CCDC7: variants seen among roughly 807,000 people sequenced by gnomAD.
The protein encoded by CCDC7 is coiled-coil domain-containing protein 7.
A neutral mutation model predicts 196.9 loss-of-function variants in CCDC7; 183 were observed. That is an observed-to-expected ratio of 0.93 (90% CI 0.82 to 1.05). The LOEUF (loss-of-function observed/expected upper bound fraction) is 1.05. Among genes scored for constraint, CCDC7 ranks in the 50% least tolerant of loss-of-function variants. The pLI is 0.00. For synonymous variants in CCDC7, 525 were observed against 484.6 expected (o/e 1.08, Z -1.10); for missense variants, 1,540 against 1,482.2 (o/e 1.04, Z -0.64).
At chr10:32,479,203 C>T (rs1229440572) in intron 8 of CCDC7, among the ~76,000 whole-genome samples, 2 of 152,142 alleles carry the variant, frequency 1.3e-5, no homozygotes, top group South Asian at 2.1e-4. Context: ...TATTTGGACA[C>T]CTTTTATTTC....
intron 11 of CCDC7, among the ~76,000 whole-genome samples, 189 bp from the exon 13 acceptor site, chr10:32,543,111 C>A (rs919176981): frequency 6.6e-6 from 1 of 152,124 alleles, no homozygotes; most frequent in African/African-American, 2.4e-5. Context: ...ACAACTTACA[C>A]CACGTAAAGC....
In CCDC7 at chr10:32,836,012, G is replaced by A. The variant is rs1250142234; in HGVS notation, c.3352+1114G>A. On this transcript the variant is annotated intron_variant, in intron 33 of 41. Transcript: ENST00000639629. ...TCTCTCTATTTGATAAAAATGTCAGGTAAATTTACAATATCTCAGCTACAG... is the reference window on the plus strand; with the variant it reads ...TCTCTCTATTTGATAAAAATGTCAGATAAATTTACAATATCTCAGCTACAG... 1.4e-4 allele frequency among the ~76,000 whole-genome samples: 22 copies of A among 152,066 alleles called. 1 individual carries two copies. Among genetic ancestry groups the A allele is most frequent in the Admixed American group, 1.4e-3 (22 of 15,236 alleles).
At chr10:32,492,450 C>G (rs998953456) in intron 9 of CCDC7, among the ~76,000 whole-genome samples, 1 of 151,988 alleles carries the variant, frequency 6.6e-6, no homozygotes, top group Non-Finnish European at 1.5e-5. Context: ...ACATGTGCAA[C>G]AATGAATAAA....
rs2075249105 is a variant in CCDC7, at chr10:32,677,733, T to C, written c.2123-8237T>C. 2.0e-5 allele frequency among the ~76,000 whole-genome samples: 3 copies of C among 152,090 alleles called. No homozygotes were observed. The South Asian group carries it at 6.2e-4, about 31-fold the overall frequency. On this transcript the variant is annotated intron_variant, in intron 21 of 41. Coordinates refer to ENST00000639629, the Ensembl canonical transcript of CCDC7. Reference sequence around the variant, plus strand: ...TAGGATCCTTTGTGTTTCGTGTATCTGGAAGTCCATTTTCCTCCTCAGATT... The same window carrying C: ...TAGGATCCTTTGTGTTTCGTGTATCCGGAAGTCCATTTTCCTCCTCAGATT...
chr10:32,788,901 T>C (rs2082259945), intron 29 of CCDC7, among the ~76,000 whole-genome samples: 1 of 152,174 alleles, frequency 6.6e-6, no homozygotes, highest in Non-Finnish European at 1.5e-5. Flanking sequence ...TACAGAATCA[T>C]AGTGGATCCC....
chr10:32,567,585 A>T, intron 14 of CCDC7, 85 bp from the exon 16 acceptor site: 1 of 1,419,314 alleles, frequency 7.0e-7, no homozygotes, highest in South Asian at 1.5e-5. Flanking sequence ...ATGTAGGCGT[A>T]AATATATGTA....
At chr10:32,745,821 A>C (rs1249569669) in intron 28 of CCDC7, among the ~76,000 whole-genome samples, 1 of 152,188 alleles carries the variant, frequency 6.6e-6, no homozygotes, top group Non-Finnish European at 1.5e-5. Flanking sequence ...CACCTTGAAA[A>C]TATTGTCATC....
intron 11 of CCDC7, among the ~76,000 whole-genome samples, chr10:32,524,087 G>A (rs1322905287): frequency 8.4e-6 from 1 of 119,498 alleles, no homozygotes; most frequent in Non-Finnish European, 1.8e-5. Context: ...TTTTTTTTTA[G>A]TGAAGGTGAC....
At chr10:32,496,252 T>C (rs889445260) in intron 9 of CCDC7, among the ~76,000 whole-genome samples, 6 of 152,226 alleles carry the variant, frequency 3.9e-5, no homozygotes, top group Admixed American at 1.3e-4. Context: ...CCTGAGACTT[T>C]GCTGAAATTG....
chr10:32,738,969 C>G (rs1446268652), intron 28 of CCDC7, among the ~76,000 whole-genome samples: 1 of 151,934 alleles, frequency 6.6e-6, no homozygotes, highest in Non-Finnish European at 1.5e-5. Flanking sequence ...GATTATTTGT[C>G]TGGATACAGG....
At chr10:32,654,104 G>A (rs1353981092) in intron 20 of CCDC7, among the ~76,000 whole-genome samples, 2 of 151,936 alleles carry the variant, frequency 1.3e-5, no homozygotes, top group African/African-American at 4.8e-5. Context: ...ATAGTCCTTT[G>A]ATTCCATCTT....
intron 21 of CCDC7, among the ~76,000 whole-genome samples, chr10:32,665,843 T>A (rs1487555123): frequency 6.6e-6 from 1 of 152,062 alleles, no homozygotes; most frequent in Non-Finnish European, 1.5e-5. Flanking sequence ...TGGGATATCT[T>A]TTTATTTATT....
chr10:32,828,565 G>GA (rs1230859916), intron 32 of CCDC7, among the ~76,000 whole-genome samples: 1 of 150,534 alleles, frequency 6.6e-6, no homozygotes, highest in Admixed American at 6.6e-5. Context: ...GAAGAAAGAA[G>GA]AAGAAGAAGA....
At chr10:32,549,592 A>G (rs1294367121) in intron 13 of CCDC7, among the ~76,000 whole-genome samples, 2 of 152,196 alleles carry the variant, frequency 1.3e-5, no homozygotes, top group Admixed American at 6.5e-5. Context: ...ATTTATGTAT[A>G]AGGTGAGAGA....
chr10:32,528,690 A>C (rs2049078286), intron 11 of CCDC7, among the ~76,000 whole-genome samples: 1 of 117,456 alleles, frequency 8.5e-6, no homozygotes, highest in African/African-American at 3.7e-5. Context: ...GCATATATAT[A>C]CACACACATA....
intron 30 of CCDC7, among the ~76,000 whole-genome samples, chr10:32,811,087 C>A (rs2086983176): frequency 1.3e-5 from 2 of 151,796 alleles, no homozygotes; most frequent in East Asian, 3.9e-4. Flanking sequence ...AATAAATTAA[C>A]AATGCACCTC....
chr10:32,611,844 C>A (rs942880456), intron 18 of CCDC7, among the ~76,000 whole-genome samples: 5 of 152,158 alleles, frequency 3.3e-5, no homozygotes, highest in African/African-American at 7.2e-5. Context: ...AATTTGAAGT[C>A]AGGTAGCATG....
At chr10:32,797,175 G>A (rs2083725547) in intron 29 of CCDC7, among the ~76,000 whole-genome samples, 1 of 146,930 alleles carries the variant, frequency 6.8e-6, no homozygotes, top group Admixed American at 6.9e-5. Flanking sequence ...ATATATGTGT[G>A]TGTGTGTATA....
rs376971167 is a variant in CCDC7, at chr10:32,571,006, C to CTTTT, written c.1420-839_1420-836dup. 7.2e-4 allele frequency among the ~76,000 whole-genome samples: 95 copies of CTTTT among 131,326 alleles called. 3 individuals are homozygous for CTTTT. The highest frequency in any genetic ancestry group is 1.1e-3 in the Non-Finnish European group (73 of 63,686). The allele number at this position is 131,326 out of a possible 152,430, so 86.2% of individuals were successfully genotyped here. A position where few individuals can be genotyped will look rare whatever the true frequency, so the allele number is the denominator to read the frequency against. The stretch of plus-strand genomic sequence containing the variant: ...AAATCACACTTTTAAGGTCACTGGC[C>CTTTT]TTTTTTTTTTTTTTTTTGAGAGAGA... On this transcript the variant is annotated intron_variant, in intron 15 of 41. Coordinates refer to ENST00000639629, the Ensembl canonical transcript of CCDC7.
Sources: allele counts gnomAD v4.1 joint callset (sites outside exome capture counted in the v4.1 genomes callset), GRCh38; gene constraint gnomAD v4.1.1; transcripts MANE v1.5; gene names NCBI Gene and HGNC (gene_info 2026-07-23, HGNC 2026-07-21).